CABLES1: variants seen among roughly 807,000 people sequenced by gnomAD.
CABLES1 encodes the protein Cdk5 and Abl enzyme substrate 1, also known as CDK5 and ABL1 enzyme substrate 1.
A neutral mutation model predicts 57.8 loss-of-function variants in CABLES1; 36 were observed. That is an observed-to-expected ratio of 0.62 (90% CI 0.48 to 0.82). CABLES1 has a LOEUF of 0.82. Ranked by LOEUF, CABLES1 falls within the 40% of genes least tolerant of loss-of-function variation. The pLI, the probability that CABLES1 is intolerant of heterozygous loss-of-function variation, is 0.00. For synonymous variants in CABLES1, 374 were observed against 363.0 expected (o/e 1.03, Z -0.35); for missense variants, 767 against 836.6 (o/e 0.92, Z 1.03).
chr18:23,163,812 G>T (rs781730090), intron 1 of CABLES1, among the ~76,000 whole-genome samples: 7 of 152,104 alleles, frequency 4.6e-5, no homozygotes, highest in Non-Finnish European at 8.8e-5. Flanking sequence ...TTCCTTCCCC[G>T]CATGGAGGAG....
chr18:23,201,707 C>T (rs1007887271), intron 3 of CABLES1, among the ~76,000 whole-genome samples: 3 of 152,230 alleles, frequency 2.0e-5, no homozygotes, highest in East Asian at 3.8e-4. Context: ...TGTTTGCTGG[C>T]ACCTACTCTG....
At chr18:23,174,285 T>C (rs1378199142) in intron 1 of CABLES1, among the ~76,000 whole-genome samples, 3 of 152,248 alleles carry the variant, frequency 2.0e-5, no homozygotes, top group African/African-American at 7.2e-5. Flanking sequence ...GTATCAGTAC[T>C]TCGTTCCTTC....
intron 3 of CABLES1, among the ~76,000 whole-genome samples, chr18:23,198,353 T>G (rs950157622): frequency 6.6e-6 from 1 of 152,208 alleles, no homozygotes; most frequent in African/African-American, 2.4e-5. Flanking sequence ...GCCTTTTAAA[T>G]GAGTTTGTCT....
At chr18:23,200,319 G>A (rs983256410) in intron 3 of CABLES1, among the ~76,000 whole-genome samples, 1 of 151,922 alleles carries the variant, frequency 6.6e-6, no homozygotes, top group Non-Finnish European at 1.5e-5. Context: ...CAGTGCAGTG[G>A]TGTGATCTCG....
chr18:23,227,224 C>G (rs2047534263), intron 4 of CABLES1, among the ~76,000 whole-genome samples: 1 of 152,118 alleles, frequency 6.6e-6, no homozygotes, highest in African/African-American at 2.4e-5. Flanking sequence ...TGCTCCCTGC[C>G]TGGCTCCAGG....
chr18:23,158,476 A>G (rs1305877723), intron 1 of CABLES1, among the ~76,000 whole-genome samples: 1 of 152,238 alleles, frequency 6.6e-6, no homozygotes, highest in African/African-American at 2.4e-5. Flanking sequence ...GCCATCAGTG[A>G]TGACCCCAAA....
At chr18:23,160,318 C>T (rs112580150) in intron 1 of CABLES1, among the ~76,000 whole-genome samples, 3 of 152,126 alleles carry the variant, frequency 2.0e-5, no homozygotes, top group Admixed American at 6.6e-5. Flanking sequence ...CGTGAGCCAC[C>T]GCGCCTAGCC....
chr18:23,147,656 T>C (rs1661224706), intron 1 of CABLES1, among the ~76,000 whole-genome samples: 1 of 152,210 alleles, frequency 6.6e-6, no homozygotes, highest in South Asian at 2.1e-4. Context: ...ACAGTACCCC[T>C]CTGTTTGGTG....
chr18:23,161,608 T>G (rs2047004577), intron 1 of CABLES1, among the ~76,000 whole-genome samples: 1 of 150,866 alleles, frequency 6.6e-6, no homozygotes. Context: ...TATGTATACT[T>G]CTTTTAAAAA....
At chr18:23,174,008 T>C (rs1385347460) in intron 1 of CABLES1, among the ~76,000 whole-genome samples, 2 of 152,190 alleles carry the variant, frequency 1.3e-5, no homozygotes, top group Non-Finnish European at 2.9e-5. Flanking sequence ...TGGTTTTTAG[T>C]ACATTCACAA....
chr18:23,241,180 C>T (rs923918580), intron 7 of CABLES1, among the ~76,000 whole-genome samples: 2 of 152,132 alleles, frequency 1.3e-5, no homozygotes, highest in African/African-American at 4.8e-5. Context: ...TACAACTTAA[C>T]ATGTGAGATT....
intron 7 of CABLES1, among the ~76,000 whole-genome samples, chr18:23,240,243 G>A (rs1190819486): frequency 6.6e-6 from 1 of 152,232 alleles, no homozygotes. Flanking sequence ...GCTGAGAGTG[G>A]TTGGCCCCAC....
chr18:23,256,656 A>G (rs1313298314), intron 9 of CABLES1, among the ~76,000 whole-genome samples: 3 of 151,570 alleles, frequency 2.0e-5, no homozygotes, highest in East Asian at 3.9e-4. Context: ...CATTTTTGTT[A>G]TTTTTAGTAG....
At chr18:23,156,239 A>C (rs1170365126) in intron 1 of CABLES1, among the ~76,000 whole-genome samples, 1 of 152,196 alleles carries the variant, frequency 6.6e-6, no homozygotes, top group Non-Finnish European at 1.5e-5. Flanking sequence ...ATGGATAAGA[A>C]GGAACCTCGG....
chr18:23,211,621 C>T (rs890094853), intron 3 of CABLES1, among the ~76,000 whole-genome samples: 4 of 152,230 alleles, frequency 2.6e-5, no homozygotes, highest in Non-Finnish European at 2.9e-5. Flanking sequence ...TACCCAGTCA[C>T]GCCCCCAAGG....
chr18:23,137,615 G>C (rs966577293), intron 1 of CABLES1, among the ~76,000 whole-genome samples: 3 of 152,200 alleles, frequency 2.0e-5, no homozygotes, highest in African/African-American at 7.2e-5. Flanking sequence ...TTCTCTGCTA[G>C]AATTTCTCTC....
At chr18:23,157,005 G>T (rs911029308) in intron 1 of CABLES1, among the ~76,000 whole-genome samples, 10 of 152,208 alleles carry the variant, frequency 6.6e-5, no homozygotes, top group African/African-American at 2.2e-4. Flanking sequence ...TGTGTTGGGT[G>T]ACTCAAATTT....
intron 1 of CABLES1, among the ~76,000 whole-genome samples, chr18:23,149,307 G>A (rs1598798850): frequency 1.3e-5 from 2 of 151,790 alleles, no homozygotes; most frequent in East Asian, 3.9e-4. Flanking sequence ...TTTTTGAGAT[G>A]GAGTCTCGCT....
Position 23,200,302 on chromosome 18 carries a change from C to A in CABLES1, c.1010+5762C>A, listed in dbSNP as rs369876969. ...TTAGATGGAGTCTCACTCTGTCTCCCAGGCTGCAGTGCAGTGGTGTGATCT... is the reference window on the plus strand; with the variant it reads ...TTAGATGGAGTCTCACTCTGTCTCCAAGGCTGCAGTGCAGTGGTGTGATCT... On this transcript the variant is annotated intron_variant, in intron 3 of 9. Coordinates refer to ENST00000256925, the MANE Select transcript of CABLES1 (RefSeq NM_001100619.3). 3.3e-5 allele frequency among the ~76,000 whole-genome samples: 5 copies of A among 151,786 alleles called. No individual in the cohort carries two copies. In the East Asian group the frequency reaches 9.7e-4, roughly 29 times the overall value.
Sources: allele counts gnomAD v4.1 joint callset (sites outside exome capture counted in the v4.1 genomes callset), GRCh38; gene constraint gnomAD v4.1.1; transcripts MANE v1.5; gene names NCBI Gene and HGNC (gene_info 2026-07-23, HGNC 2026-07-21).